RAB31: variants seen among roughly 807,000 people sequenced by gnomAD.
RAB31 encodes RAB31, member RAS oncogene family, also known as ras-related protein Rab-31.
Under a neutral mutation model 25.6 loss-of-function variants are expected in RAB31, and 21 were observed. The ratio of observed to expected loss-of-function variants is 0.82; its 90% CI spans 0.58 to 1.18. RAB31 has a LOEUF of 1.18. Among genes scored for constraint, RAB31 ranks in the 50% most tolerant of loss-of-function variants. The probability of loss-of-function intolerance (pLI) is 0.00; values close to 1 mark genes in which losing one functional copy is unlikely to be tolerated. For missense variants in RAB31, 196 were observed against 250.1 expected, an observed-to-expected ratio of 0.78 and a Z score of 1.46; for synonymous variants, 87 against 84.0, an observed-to-expected ratio of 1.04 and a Z score of -0.20.
At chr18:9,710,814 C>T (rs746071405) in intron 1 of RAB31, among the ~76,000 whole-genome samples, 1 of 152,076 alleles carries the variant, frequency 6.6e-6, no homozygotes, top group Non-Finnish European at 1.5e-5. Context: ...GCCGAAATCA[C>T]GCCACTGCAC....
intron 5 of RAB31, among the ~76,000 whole-genome samples, chr18:9,831,333 A>C (rs747085552): frequency 2.0e-5 from 3 of 152,212 alleles, no homozygotes; most frequent in African/African-American, 7.2e-5. Flanking sequence ...TCCCTTTGAC[A>C]TATGCCTATC....
chr18:9,720,244 G>A (rs1283720550), intron 1 of RAB31, among the ~76,000 whole-genome samples: 2 of 152,190 alleles, frequency 1.3e-5, no homozygotes, highest in African/African-American at 2.4e-5. Context: ...GATTACAGGC[G>A]TGAGCCACCA....
chr18:9,763,689 A>G (rs927419673), intron 1 of RAB31, among the ~76,000 whole-genome samples: 5 of 151,834 alleles, frequency 3.3e-5, no homozygotes, highest in African/African-American at 1.2e-4. Context: ...AATGGAGCAG[A>G]AACAATATCT....
At chr18:9,844,073 C>T (rs1276556845) in intron 5 of RAB31, among the ~76,000 whole-genome samples, 1 of 152,140 alleles carries the variant, frequency 6.6e-6, no homozygotes, top group Non-Finnish European at 1.5e-5. Flanking sequence ...TCCTTCTGGT[C>T]GAGGATTGTG....
chr18:9,734,427 T>C (rs1599017224), intron 1 of RAB31, among the ~76,000 whole-genome samples: 1 of 152,306 alleles, frequency 6.6e-6, no homozygotes, highest in East Asian at 1.9e-4. Flanking sequence ...CAGGAAGCGT[T>C]ACATACCTAA....
chr18:9,840,369 T>C (rs574077721), intron 5 of RAB31, among the ~76,000 whole-genome samples: 6 of 152,298 alleles, frequency 3.9e-5, no homozygotes, highest in East Asian at 3.9e-4. Flanking sequence ...GTAAACCCTA[T>C]ACACTTGTTG....
intron 1 of RAB31, among the ~76,000 whole-genome samples, chr18:9,763,660 A>G (rs912706351): frequency 6.6e-6 from 1 of 151,298 alleles, no homozygotes; most frequent in Admixed American, 6.6e-5. Context: ...TTGGAGTTCC[A>G]GTAGGATAGA....
At chr18:9,843,565 A>G (rs1389880765) in intron 5 of RAB31, among the ~76,000 whole-genome samples, 1 of 136,582 alleles carries the variant, frequency 7.3e-6, no homozygotes, top group South Asian at 2.4e-4. Context: ...AAAAAAAAAA[A>G]CTTCAGGAGG....
chr18:9,778,040 A>C (rs1239095154), intron 2 of RAB31, among the ~76,000 whole-genome samples: 1 of 152,210 alleles, frequency 6.6e-6, no homozygotes, highest in Non-Finnish European at 1.5e-5. Flanking sequence ...GGCGTGAGCC[A>C]CTGCACCCGG....
chr18:9,792,836 A>G (rs755772298), intron 3 of RAB31, among the ~76,000 whole-genome samples: 2 of 152,112 alleles, frequency 1.3e-5, no homozygotes, highest in Non-Finnish European at 2.9e-5. Context: ...TTGGTTCAGG[A>G]AGTCAGGTAG....
At chr18:9,843,050 T>C (rs2068742069) in intron 5 of RAB31, among the ~76,000 whole-genome samples, 1 of 152,228 alleles carries the variant, frequency 6.6e-6, no homozygotes, top group African/African-American at 2.4e-5. Flanking sequence ...CGCTCCTTCT[T>C]GTCCTGCAGT....
intron 6 of RAB31, among the ~76,000 whole-genome samples, chr18:9,855,807 G>A (rs973205049): frequency 5.3e-5 from 8 of 151,992 alleles, no homozygotes; most frequent in Non-Finnish European, 8.8e-5. Context: ...GATGGGTCCC[G>A]GTCCACTAAC....
chr18:9,788,529 C>T (rs1383875777), intron 2 of RAB31, among the ~76,000 whole-genome samples: 1 of 152,242 alleles, frequency 6.6e-6, no homozygotes, highest in Admixed American at 6.5e-5. Context: ...AACTGCCATA[C>T]AATCCAGCAG....
intron 1 of RAB31, among the ~76,000 whole-genome samples, chr18:9,710,587 T>C (rs2068011377): frequency 6.6e-6 from 1 of 152,162 alleles, no homozygotes; most frequent in Non-Finnish European, 1.5e-5. Context: ...TCGCGTTGGC[T>C]CACACCTGTC....
intron 1 of RAB31, among the ~76,000 whole-genome samples, chr18:9,711,369 T>C (rs561798634): frequency 2.0e-5 from 3 of 151,994 alleles, no homozygotes; most frequent in Non-Finnish European, 2.9e-5. Context: ...AAAAGTCCTT[T>C]AAAAAATATA....
At chr18:9,856,592 T>C (rs1281935326) in intron 6 of RAB31, among the ~76,000 whole-genome samples, 1 of 152,194 alleles carries the variant, frequency 6.6e-6, no homozygotes, top group Non-Finnish European at 1.5e-5. Flanking sequence ...CAGCACAAAG[T>C]TTTGATGTTA....
chr18:9,734,097 C>CGGG (rs2068137342), intron 1 of RAB31, among the ~76,000 whole-genome samples: 1 of 3,894 alleles, frequency 2.6e-4, no homozygotes, highest in African/African-American at 1.1e-3. Flanking sequence ...GGCAGGGTGG[C>CGGG]GGGGAGGAGG....
chr18:9,848,729 G>A (rs1599066295), intron 6 of RAB31, among the ~76,000 whole-genome samples: 1 of 152,290 alleles, frequency 6.6e-6, no homozygotes, highest in African/African-American at 2.4e-5. Flanking sequence ...GCAATAAAAA[G>A]TTAAGGAGCT....
intron 1 of RAB31, among the ~76,000 whole-genome samples, chr18:9,742,191 C>G (rs528664460): frequency 6.6e-6 from 1 of 152,148 alleles, no homozygotes; most frequent in Non-Finnish European, 1.5e-5. Context: ...AAAGCAGGCT[C>G]TTGGTGAGGG....
Sources: gnomAD v4.1 joint callset for allele counts (sites outside exome capture counted in the v4.1 genomes callset) on GRCh38, gnomAD v4.1.1 for gene constraint, MANE v1.5 for transcripts, NCBI Gene and HGNC (gene_info 2026-07-23, HGNC 2026-07-21) for gene names.